The following DCC variants were observed in gnomAD, a reference collection of about 807,000 sequenced individuals.
DCC encodes netrin receptor DCC.
A neutral mutation model predicts 172.5 loss-of-function variants in DCC; 58 were observed. The observed-to-expected ratio is 0.34, with a 90% CI of 0.27 to 0.42. The LOEUF is 0.42. Among genes scored for constraint, DCC ranks in the 10% least tolerant of loss-of-function variants. The pLI is 1.00. For synonymous variants in DCC, 709 were observed against 644.5 expected, an observed-to-expected ratio of 1.10 and a Z score of -1.52; for missense variants, 1,740 against 1,791.0, an observed-to-expected ratio of 0.97 and a Z score of 0.51.
At chr18:52,830,918 T>A (rs750903829) in intron 2 of DCC, among the ~76,000 whole-genome samples, 4 of 151,946 alleles carry the variant, frequency 2.6e-5, no homozygotes, top group Non-Finnish European at 5.9e-5. Context: ...AAGACAAAAA[T>A]AATGGCTGCA....
intron 9 of DCC, among the ~76,000 whole-genome samples, chr18:53,204,252 G>A (rs982043963): frequency 5.9e-5 from 9 of 151,930 alleles, no homozygotes; most frequent in Admixed American, 2.6e-4. Context: ...AAAATCTTAA[G>A]ATACCTGGGC....
chr18:52,969,613 C>CTCTCTCTCTCTT, intron 5 of DCC, among the ~76,000 whole-genome samples: 1 of 148,444 alleles, frequency 6.7e-6, no homozygotes, highest in Non-Finnish European at 1.5e-5. Flanking sequence ...CTCTCTCTCT[C>CTCTCTCTCTCTT]TCTCTCTCTT....
At chr18:53,404,421 G>A (rs1909523000) in intron 19 of DCC, among the ~76,000 whole-genome samples, 1 of 90,542 alleles carries the variant, frequency 1.1e-5, no homozygotes. Flanking sequence ...AAAAATAGAA[G>A]TCTAGCCCAT....
chr18:52,952,761 A>G (rs1162770210), intron 5 of DCC, among the ~76,000 whole-genome samples: 1 of 152,026 alleles, frequency 6.6e-6, no homozygotes, highest in Admixed American at 6.6e-5. Flanking sequence ...GTGCTTTGGG[A>G]GATCGAAGTG....
chr18:52,401,829 T>G (rs893297866), intron 1 of DCC, among the ~76,000 whole-genome samples: 5 of 152,144 alleles, frequency 3.3e-5, no homozygotes, highest in Middle Eastern at 3.4e-3. Flanking sequence ...TAAAGTAATA[T>G]TTCTGACATA....
intron 1 of DCC, among the ~76,000 whole-genome samples, chr18:52,472,976 G>A (rs552658102): frequency 3.0e-4 from 45 of 152,244 alleles, no homozygotes; most frequent in African/African-American, 1.0e-3. Flanking sequence ...GGAACAAAGA[G>A]TATTTCAAAT....
chr18:53,106,927 G>A (rs1038867999), intron 7 of DCC, among the ~76,000 whole-genome samples: 18 of 151,990 alleles, frequency 1.2e-4, no homozygotes, highest in African/African-American at 4.1e-4. Context: ...ACAAGAATCT[G>A]TATTATTATC....
chr18:52,340,720 G>C lies in DCC; in HGVS notation c.-68G>C. 9.2e-7 allele frequency: 1 copy of C among 1,092,116 alleles called. No homozygotes were observed. Among genetic ancestry groups the C allele is most frequent in the East Asian group, 2.4e-5 (1 of 42,426 alleles). The allele number at this position is 1,092,116 out of a possible 1,614,324, so 67.7% of individuals were successfully genotyped here. On this transcript the variant is annotated 5_prime_UTR_variant, in exon 1 of 29. Transcript: ENST00000442544. ...CGTGTGTGTGCATGTGTGCATGCGT[G>C]TGTGAGTGCATGTGTGTGAGTGCTG...
chr18:52,368,493 C>T (rs190764644), intron 1 of DCC, among the ~76,000 whole-genome samples: 28 of 152,264 alleles, frequency 1.8e-4, no homozygotes, highest in Admixed American at 1.7e-3. Context: ...GCTCCCTATG[C>T]GTCATTCTGC....
rs145838368 is a variant in DCC, at chr18:52,470,211, C to T, written c.91+129333C>T. On this transcript the variant is annotated intron_variant, in intron 1 of 28. Coordinates refer to ENST00000442544, the MANE Select transcript of DCC (RefSeq NM_005215.4). ...CAGACTTCGGCACCTTAGGAATAGC[C>T]CTGATTCTCCTCCCACTGCTCCCTG... Among the ~76,000 whole-genome samples, 847 of 152,192 alleles carry T rather than the reference C, an allele frequency of 5.6e-3. 10 individuals are homozygous for T. Among genetic ancestry groups the T allele is most frequent in the African/African-American group, 0.02 (816 of 41,500 alleles).
intron 1 of DCC, among the ~76,000 whole-genome samples, chr18:52,348,673 C>A (rs1332487470): frequency 1.3e-5 from 2 of 152,264 alleles, no homozygotes; most frequent in East Asian, 3.9e-4. Flanking sequence ...TATTCTGTTT[C>A]TTCTACTAAG....
At chr18:52,657,737 T>A (rs1203998836) in intron 1 of DCC, among the ~76,000 whole-genome samples, 3 of 152,202 alleles carry the variant, frequency 2.0e-5, no homozygotes, top group Non-Finnish European at 4.4e-5. Flanking sequence ...CACCTATTTC[T>A]GCATGGGACT....
At chr18:52,370,979 A>T (rs553054410) in intron 1 of DCC, among the ~76,000 whole-genome samples, 1 of 152,338 alleles carries the variant, frequency 6.6e-6, no homozygotes, top group African/African-American at 2.4e-5. Flanking sequence ...TACAGAGAGC[A>T]TGCTAGAGGT....
At chr18:53,255,343 C>G (rs2056492461) in intron 12 of DCC, among the ~76,000 whole-genome samples, 1 of 149,262 alleles carries the variant, frequency 6.7e-6, no homozygotes. Flanking sequence ...TTAGGTATAT[C>G]TCCTAATGCT....
At chr18:52,850,277 G>T (rs1049371527) in intron 2 of DCC, among the ~76,000 whole-genome samples, 2 of 152,164 alleles carry the variant, frequency 1.3e-5, no homozygotes, top group Non-Finnish European at 2.9e-5. Flanking sequence ...TAATCTGGAA[G>T]CACATCGTTT....
intron 1 of DCC, among the ~76,000 whole-genome samples, chr18:52,465,456 AC>A (rs1281690463): frequency 6.6e-6 from 1 of 152,034 alleles, no homozygotes; most frequent in Non-Finnish European, 1.5e-5. Context: ...CTCACCATGG[AC>A]CTTTATTTCC....
At chr18:52,901,630 T>TTG (rs1408365009) in intron 2 of DCC, among the ~76,000 whole-genome samples, 1 of 152,146 alleles carries the variant, frequency 6.6e-6, no homozygotes, top group African/African-American at 2.4e-5. Flanking sequence ...GTCCTCTAGC[T>TTG]TGTTAAATAA....
chr18:52,804,435 A>T (rs1288250118), intron 2 of DCC, among the ~76,000 whole-genome samples: 2 of 152,190 alleles, frequency 1.3e-5, no homozygotes. Context: ...TTTCATCTAC[A>T]TTGTATCGTT....
intron 1 of DCC, among the ~76,000 whole-genome samples, chr18:52,510,936 A>T (rs1412795480): frequency 6.6e-6 from 1 of 152,162 alleles, no homozygotes; most frequent in African/African-American, 2.4e-5. Flanking sequence ...AAAAAGCTAG[A>T]AGAGGGAAGA....
Sources: allele counts gnomAD v4.1 joint callset (sites outside exome capture counted in the v4.1 genomes callset), GRCh38; gene constraint gnomAD v4.1.1; transcripts MANE v1.5; gene names NCBI Gene and HGNC (gene_info 2026-07-23, HGNC 2026-07-21).